LRIG1: variants seen among roughly 807,000 people sequenced by gnomAD.
LRIG1 encodes the protein leucine rich repeats and immunoglobulin like domains 1, also known as leucine-rich repeats and immunoglobulin-like domains protein 1.
A neutral mutation model predicts 99.2 loss-of-function variants in LRIG1; 48 were observed. That is an observed-to-expected ratio of 0.48 (90% CI 0.38 to 0.62). The LOEUF (loss-of-function observed/expected upper bound fraction) is 0.62. Among genes scored for constraint, LRIG1 ranks in the 20% least tolerant of loss-of-function variants. LRIG1 has a pLI of 0.00. For missense variants in LRIG1, 1,646 were observed against 1,434.4 expected, an observed-to-expected ratio of 1.15 and a Z score of -2.38; for synonymous variants, 772 against 596.1, an observed-to-expected ratio of 1.29 and a Z score of -4.30.
chr3:66,468,078 C>T (rs771789991), intron 1 of LRIG1, among the ~76,000 whole-genome samples: 4 of 152,176 alleles, frequency 2.6e-5, no homozygotes, highest in African/African-American at 4.8e-5. Flanking sequence ...TAGGCTTAAA[C>T]GGTATTTATC....
chr3:66,394,916 G>A (rs1357791554), intron 11 of LRIG1, among the ~76,000 whole-genome samples: 8 of 152,214 alleles, frequency 5.3e-5, no homozygotes, highest in Non-Finnish European at 1.0e-4. Flanking sequence ...CCACTGCCCA[G>A]GGAGCATGAG....
intron 1 of LRIG1, among the ~76,000 whole-genome samples, chr3:66,480,357 G>A (rs915662900): frequency 6.6e-6 from 1 of 151,920 alleles, no homozygotes; most frequent in Non-Finnish European, 1.5e-5. Context: ...TTGGGGTGAT[G>A]AAAATGTTCT....
chr3:66,396,884 C>CT (rs1379063619), intron 11 of LRIG1, among the ~76,000 whole-genome samples: 1 of 152,244 alleles, frequency 6.6e-6, no homozygotes, highest in Non-Finnish European at 1.5e-5. Flanking sequence ...GAGTCCACCT[C>CT]TGAGTCCAGC....
Position 66,381,482 on chromosome 3 carries a change from T to C in LRIG1, c.2767A>G (p.Met923Val). Residue 923 changes from methionine to valine, a missense_variant, in exon 17 of 19, where the codon ATG becomes GTG. Met to Val is a conservative substitution (Grantham distance 21). Coordinates refer to ENST00000273261, the MANE Select transcript of LRIG1 (RefSeq NM_015541.3). The stretch of plus-strand genomic sequence containing the variant: ...TCCAATGGGAAGCATCTCATACCCA[T>C]CTTATGTGGCCCAGGTGTCCCTTCA... ...KAEGTPGPHK[M>V]EHGGRVVCSD... The C allele has an allele frequency of 6.2e-7, 1 of 1,612,822 alleles. No homozygotes were observed. Among genetic ancestry groups the C allele is most frequent in the South Asian group, 1.1e-5 (1 of 91,046 alleles).
At chr3:66,428,326 T>C (rs765521332) in intron 3 of LRIG1, among the ~76,000 whole-genome samples, 1 of 152,186 alleles carries the variant, frequency 6.6e-6, no homozygotes, top group Non-Finnish European at 1.5e-5. Flanking sequence ...CATTCTCAGA[T>C]GCCACTGCCC....
intron 1 of LRIG1, among the ~76,000 whole-genome samples, chr3:66,482,831 A>G (rs62243269): frequency 0.021 from 3,195 of 152,336 alleles, 60 homozygotes; most frequent in African/African-American, 0.059. Flanking sequence ...CAGGGAAAAT[A>G]TTCAAGATAT....
chr3:66,414,560 A>T (rs565415084), intron 5 of LRIG1, among the ~76,000 whole-genome samples: 2 of 152,326 alleles, frequency 1.3e-5, no homozygotes, highest in East Asian at 3.9e-4. Context: ...TCCAAGGTAC[A>T]GATTTTACGG....
At chr3:66,420,908 C>T (rs568878881) in intron 3 of LRIG1, among the ~76,000 whole-genome samples, 8 of 152,314 alleles carry the variant, frequency 5.3e-5, no homozygotes, top group Admixed American at 1.3e-4. Flanking sequence ...CACAGTTCCA[C>T]GTGGCTGGGG....
intron 3 of LRIG1, among the ~76,000 whole-genome samples, chr3:66,422,995 G>C (rs1180196174): frequency 1.3e-5 from 2 of 152,082 alleles, no homozygotes; most frequent in African/African-American, 2.4e-5. Flanking sequence ...ACTATTATGA[G>C]AACAGCACAG....
At chr3:66,493,569 C>T (rs1701153061) in intron 1 of LRIG1, among the ~76,000 whole-genome samples, 1 of 152,158 alleles carries the variant, frequency 6.6e-6, no homozygotes, top group Admixed American at 6.5e-5. Context: ...CTGCCATCTT[C>T]CCATTCCAAA....
chr3:66,444,406 A>G (rs1396724693), intron 3 of LRIG1, among the ~76,000 whole-genome samples: 1 of 152,212 alleles, frequency 6.6e-6, no homozygotes, highest in African/African-American at 2.4e-5. Flanking sequence ...AGCCATTACC[A>G]GGGCCATAGA....
At chr3:66,467,634 T>G (rs1288605750) in intron 1 of LRIG1, among the ~76,000 whole-genome samples, 4 of 152,254 alleles carry the variant, frequency 2.6e-5, no homozygotes, top group Non-Finnish European at 4.4e-5. Context: ...GTGCTGGGAT[T>G]ACAGGCGTGA....
In LRIG1 at chr3:66,491,468, GA is replaced by G. The variant is rs540096102; in HGVS notation, c.218+8721del. On this transcript the variant is annotated intron_variant, in intron 1 of 18. Transcript: ENST00000273261. ...AGCTTGCTAAACACCTCCTACAAAAGAAAAAAAATCTGTATTTTGAGAACAT... is the reference window on the plus strand; with the variant it reads ...AGCTTGCTAAACACCTCCTACAAAAGAAAAAAATCTGTATTTTGAGAACAT... 6.1e-3 allele frequency among the ~76,000 whole-genome samples: 930 copies of G among 151,588 alleles called. 14 individuals are homozygous for G. Among genetic ancestry groups the G allele is most frequent in the African/African-American group, 0.021 (878 of 41,364 alleles).
intron 12 of LRIG1, among the ~76,000 whole-genome samples, chr3:66,391,180 G>A (rs1484968865): frequency 6.6e-6 from 1 of 152,110 alleles, no homozygotes; most frequent in African/African-American, 2.4e-5. Flanking sequence ...AGCAAAAATG[G>A]GGAGAAATTG....
chr3:66,444,326 A>T (rs72906750), intron 3 of LRIG1, among the ~76,000 whole-genome samples: 18 of 152,252 alleles, frequency 1.2e-4, no homozygotes, highest in African/African-American at 4.3e-4. Flanking sequence ...TCCAACCCTG[A>T]GCCACCCAGG....
chr3:66,428,915 G>A (rs1703066713), intron 3 of LRIG1, among the ~76,000 whole-genome samples: 1 of 152,166 alleles, frequency 6.6e-6, no homozygotes, highest in Non-Finnish European at 1.5e-5. Flanking sequence ...CAGTTCCCTG[G>A]GGAATTTTGG....
intron 7 of LRIG1, 140 bp downstream of exon 7, chr3:66,409,989 G>T: frequency 1.2e-6 from 1 of 803,886 alleles, no homozygotes; most frequent in Non-Finnish European, 1.9e-6. Context: ...CCTGGGCCTG[G>T]CTGGTTTGGG....
intron 1 of LRIG1, among the ~76,000 whole-genome samples, chr3:66,499,465 A>G (rs1408932974): frequency 6.6e-6 from 1 of 152,204 alleles, no homozygotes; most frequent in Non-Finnish European, 1.5e-5. Context: ...CAGGGAACAC[A>G]CAGGAAGGGT....
intron 1 of LRIG1, among the ~76,000 whole-genome samples, chr3:66,476,313 C>T (rs1439152491): frequency 6.6e-6 from 1 of 152,152 alleles, no homozygotes; most frequent in Non-Finnish European, 1.5e-5. Context: ...TCAAATAGCC[C>T]TGTCTGGCCA....
Sources: gnomAD v4.1 joint callset for allele counts (sites outside exome capture counted in the v4.1 genomes callset) on GRCh38, gnomAD v4.1.1 for gene constraint, MANE v1.5 for transcripts, NCBI Gene and HGNC (gene_info 2026-07-23, HGNC 2026-07-21) for gene names.